MAML2: variants seen among roughly 807,000 people sequenced by gnomAD.
The protein encoded by MAML2 is mastermind-like protein 2.
MAML2 carries 22 observed loss-of-function variants against 96.1 expected under a neutral mutation model. The observed-to-expected ratio is 0.23, with a 90% CI of 0.16 to 0.33. MAML2 has a LOEUF of 0.33. MAML2 is among the 10% of genes least tolerant of loss of function. MAML2 has a pLI of 1.00. For missense variants in MAML2, 1,367 were observed against 1,392.4 expected (o/e 0.98, Z 0.29); for synonymous variants, 561 against 521.3 (o/e 1.08, Z -1.04).
chr11:96,057,205 T>G (rs1859083835), intron 2 of MAML2, among the ~76,000 whole-genome samples: 1 of 152,202 alleles, frequency 6.6e-6, no homozygotes, highest in Non-Finnish European at 1.5e-5. Flanking sequence ...ACTACTGCTG[T>G]GCATCCTTTC....
At chr11:96,255,969 G>A (rs913069273) in intron 1 of MAML2, among the ~76,000 whole-genome samples, 2 of 149,346 alleles carry the variant, frequency 1.3e-5, no homozygotes, top group African/African-American at 4.9e-5. Context: ...TGCCTCCCGG[G>A]TTCAAGCGAT....
intron 1 of MAML2, among the ~76,000 whole-genome samples, chr11:96,164,572 T>C (rs1861161793): frequency 6.6e-6 from 1 of 152,210 alleles, no homozygotes; most frequent in African/African-American, 2.4e-5. Context: ...TGATCTTCTT[T>C]TTAGAGTGAT....
At chr11:96,102,888 G>C (rs1253897454) in intron 1 of MAML2, among the ~76,000 whole-genome samples, 1 of 152,150 alleles carries the variant, frequency 6.6e-6, no homozygotes, top group Admixed American at 6.5e-5. Context: ...CTCACTTTTT[G>C]CCCAAAATAT....
chr11:96,215,094 T>A (rs887646844), intron 1 of MAML2, among the ~76,000 whole-genome samples: 18 of 152,246 alleles, frequency 1.2e-4, no homozygotes, highest in Non-Finnish European at 2.5e-4. Context: ...ATGGGAAAGC[T>A]GCTTAAGAAA....
At chr11:96,231,791 T>C (rs1222536351) in intron 1 of MAML2, among the ~76,000 whole-genome samples, 2 of 152,198 alleles carry the variant, frequency 1.3e-5, no homozygotes, top group African/African-American at 4.8e-5. Context: ...AGAAGGACAC[T>C]ACCTACCCAG....
chr11:96,019,381 C>T (rs544074489), intron 2 of MAML2, among the ~76,000 whole-genome samples: 1 of 152,144 alleles, frequency 6.6e-6, no homozygotes, highest in African/African-American at 2.4e-5. Flanking sequence ...AATATAATCT[C>T]TGTAGGGTTT....
chr11:96,057,606 T>C (rs1859090088), intron 2 of MAML2, among the ~76,000 whole-genome samples: 1 of 152,232 alleles, frequency 6.6e-6, no homozygotes, highest in African/African-American at 2.4e-5. Flanking sequence ...TTAACAATTA[T>C]TTTAAAAAGA....
chr11:96,210,203 G>A (rs1861950105), intron 1 of MAML2, among the ~76,000 whole-genome samples: 2 of 152,112 alleles, frequency 1.3e-5, no homozygotes, highest in African/African-American at 4.8e-5. Flanking sequence ...TCCACCTCCT[G>A]AGTTCAAGCG....
At chr11:95,997,054 T>C (rs1432696999) in intron 2 of MAML2, among the ~76,000 whole-genome samples, 3 of 152,180 alleles carry the variant, frequency 2.0e-5, no homozygotes, top group Non-Finnish European at 4.4e-5. Flanking sequence ...CCCAGTTTTC[T>C]AGACAAACCG....
intron 1 of MAML2, among the ~76,000 whole-genome samples, chr11:96,301,427 CT>C (rs1396451989): frequency 6.6e-6 from 1 of 152,180 alleles, no homozygotes; most frequent in African/African-American, 2.4e-5. Flanking sequence ...CCCAGCCCAC[CT>C]GTCAGTAACC....
chr11:96,281,342 A>G (rs1180887056), intron 1 of MAML2, among the ~76,000 whole-genome samples: 1 of 152,110 alleles, frequency 6.6e-6, no homozygotes, highest in East Asian at 1.9e-4. Flanking sequence ...CATTTGTCCA[A>G]GAGAGTGCTA....
chr11:96,076,801 T>C (rs1222144950), intron 2 of MAML2, among the ~76,000 whole-genome samples: 2 of 152,220 alleles, frequency 1.3e-5, no homozygotes, highest in Non-Finnish European at 2.9e-5. Flanking sequence ...CCACAGCTCA[T>C]ACTTCTTGCT....
chr11:96,223,501 G>A (rs946022688), intron 1 of MAML2, among the ~76,000 whole-genome samples: 15 of 152,154 alleles, frequency 9.9e-5, no homozygotes, highest in Middle Eastern at 6.8e-3. Flanking sequence ...GTCTTGCCCT[G>A]AGTCCTAAAA....
At chr11:96,116,688 C>A (rs1332420189) in intron 1 of MAML2, among the ~76,000 whole-genome samples, 2 of 152,154 alleles carry the variant, frequency 1.3e-5, no homozygotes, top group South Asian at 2.1e-4. Context: ...TTCTACTAAA[C>A]AAGTGGATTC....
intron 1 of MAML2, among the ~76,000 whole-genome samples, chr11:96,274,907 G>A (rs1216993694): frequency 6.6e-6 from 1 of 152,024 alleles, no homozygotes; most frequent in African/African-American, 2.4e-5. Context: ...GAATCTCAAT[G>A]TATATATGTG....
intron 2 of MAML2, among the ~76,000 whole-genome samples, chr11:96,072,205 A>G (rs183228031): frequency 2.6e-5 from 4 of 152,336 alleles, no homozygotes; most frequent in East Asian, 3.9e-4. Context: ...CCAAAAAAAA[A>G]GCTCTTGTTA....
intron 2 of MAML2, among the ~76,000 whole-genome samples, chr11:96,016,866 C>A (rs928268534): frequency 6.6e-6 from 1 of 151,980 alleles, no homozygotes; most frequent in African/African-American, 2.4e-5. Context: ...TCCAGAAACT[C>A]TATAGAAAAG....
At chr11:96,078,426 A>C (rs1859478726) in intron 2 of MAML2, among the ~76,000 whole-genome samples, 1 of 152,212 alleles carries the variant, frequency 6.6e-6, no homozygotes, top group Non-Finnish European at 1.5e-5. Context: ...ACTTTCTTTA[A>C]ATTGTTCCTA....
At chr11:96,028,485 C>T (rs1041725637) in intron 2 of MAML2, among the ~76,000 whole-genome samples, 2 of 152,176 alleles carry the variant, frequency 1.3e-5, no homozygotes, top group Admixed American at 1.3e-4. Context: ...GCTTTTTTCC[C>T]CATTTACTTA....
Sources: allele counts gnomAD v4.1 joint callset (sites outside exome capture counted in the v4.1 genomes callset), GRCh38; gene constraint gnomAD v4.1.1; transcripts MANE v1.5; gene names NCBI Gene and HGNC (gene_info 2026-07-23, HGNC 2026-07-21).